SYT9: variants seen among roughly 807,000 people sequenced by gnomAD.
SYT9 encodes the protein synaptotagmin 9.
In SYT9, 22 loss-of-function variants were observed where a neutral mutation model predicts 48.4. The ratio of observed to expected loss-of-function variants is 0.45; its 90% confidence interval spans 0.32 to 0.65. SYT9 has a LOEUF of 0.65. SYT9 is among the 30% of genes least tolerant of loss of function. The pLI is 0.03. For synonymous variants in SYT9, 265 were observed against 245.0 expected (o/e 1.08, Z -0.76); for missense variants, 577 against 622.0 (o/e 0.93, Z 0.77).
chr11:7,466,936 C>A lies in SYT9; in HGVS notation c.*136C>A. 1 of 1,115,634 alleles carries A rather than the reference C, an allele frequency of 9.0e-7. No homozygotes were observed. The highest frequency in any genetic ancestry group is 1.3e-6 in the Non-Finnish European group (1 of 758,318). The allele number at this position is 1,115,634 out of a possible 1,614,324, so 69.1% of individuals were successfully genotyped here. On this transcript the variant is annotated 3_prime_UTR_variant, in exon 7 of 7. Transcript: ENST00000318881. ...TGCTCAGCTGTAACCACAGCACTAACTGGCCTTCTTTCCAGATTGGGTTTG... is the reference window on the plus strand; with the variant it reads ...TGCTCAGCTGTAACCACAGCACTAAATGGCCTTCTTTCCAGATTGGGTTTG...
At chr11:7,326,462 C>T (rs1849437088) in intron 3 of SYT9, among the ~76,000 whole-genome samples, 1 of 138,778 alleles carries the variant, frequency 7.2e-6, no homozygotes, top group African/African-American at 2.7e-5. Flanking sequence ...TGGTGATATC[C>T]CCTTTATCAT....
intron 6 of SYT9, among the ~76,000 whole-genome samples, chr11:7,460,864 C>T (rs1848223316): frequency 6.6e-6 from 1 of 152,160 alleles, no homozygotes; most frequent in Non-Finnish European, 1.5e-5. Context: ...CTTCTAATTA[C>T]TAGGAACACA....
intron 3 of SYT9, among the ~76,000 whole-genome samples, chr11:7,376,736 A>G (rs946220395): frequency 6.6e-6 from 1 of 152,038 alleles, no homozygotes; most frequent in African/African-American, 2.4e-5. Flanking sequence ...TTGAAATGGG[A>G]GGCTTGTTCT....
rs80037758 is a variant in SYT9 at position 7,372,816 on chromosome 11, C to T, written c.1045-43226C>T. On this transcript the variant is annotated intron_variant, in intron 3 of 6. Transcript: ENST00000318881. The stretch of plus-strand genomic sequence containing the variant: ...TCTTTTGCTGTAATTTTACCTTTTA[C>T]GTGTTTTATTATTTTATGGCATAAG... 3.7e-4 allele frequency among the ~76,000 whole-genome samples: 56 copies of T among 152,084 alleles called. 1 individual carries two copies. The East Asian group carries it at 8.1e-3, about 22-fold the overall frequency.
chr11:7,245,413 C>T, intron 1 of SYT9, among the ~76,000 whole-genome samples: 1 of 151,628 alleles, frequency 6.6e-6, no homozygotes. Flanking sequence ...TTTTTCTTTT[C>T]TTTTCTCTCT....
At chr11:7,454,394 G>A in intron 6 of SYT9, 10 of 775,218 alleles carry the variant, frequency 1.3e-5, no homozygotes, top group Non-Finnish European at 1.6e-5. Flanking sequence ...GCTTCTCCCA[G>A]CCACCATCTT....
At chr11:7,281,071 G>A (rs2133902232) in intron 1 of SYT9, among the ~76,000 whole-genome samples, 1 of 152,316 alleles carries the variant, frequency 6.6e-6, no homozygotes, top group East Asian at 1.9e-4. Context: ...ATTCACTACT[G>A]AATGGGCAGA....
rs1036216761 is a variant in SYT9, at chr11:7,251,972, G to C, written c.-215G>C. 5 of 459,756 alleles carry C rather than the reference G, an allele frequency of 1.1e-5. No individual in the cohort carries two copies. Among genetic ancestry groups the C allele is most frequent in the Admixed American group, 4.5e-5 (1 of 22,436 alleles). 28.5% of individuals were successfully genotyped at this position (459,756 alleles called of 1,614,324 possible). On this transcript the variant is annotated 5_prime_UTR_variant, in exon 1 of 7. Transcript: ENST00000318881. ...GGACGGAGGGACCGGGCGGGAGAGA[G>C]AGAAAGCCTGACCGACCGGCTGGCG... is the stretch of plus-strand genomic sequence containing the variant.
intron 1 of SYT9, among the ~76,000 whole-genome samples, chr11:7,293,501 G>A (rs1203063460): frequency 2.6e-5 from 4 of 152,190 alleles, no homozygotes; most frequent in Non-Finnish European, 5.9e-5. Context: ...AGAATGAAAA[G>A]CAGGAATGGC....
intron 1 of SYT9, among the ~76,000 whole-genome samples, chr11:7,241,758 T>C (rs556781348): frequency 6.6e-6 from 1 of 152,360 alleles, no homozygotes; most frequent in East Asian, 1.9e-4. Context: ...TTTCGATGTG[T>C]GGATTTGGTT....
At chr11:7,436,062 T>C (rs1233053514) in intron 6 of SYT9, 1 of 152,126 alleles carries the variant, frequency 6.6e-6, no homozygotes, top group East Asian at 1.9e-4. Flanking sequence ...AGGACTATTA[T>C]AGGAGAAACA....
chr11:7,329,538 A>C (rs1483841857), intron 3 of SYT9, among the ~76,000 whole-genome samples: 1 of 152,200 alleles, frequency 6.6e-6, no homozygotes, highest in Non-Finnish European at 1.5e-5. Flanking sequence ...AGTGGCAAGG[A>C]AAGAAGGCAG....
chr11:7,311,541 G>A (rs1161334127), intron 2 of SYT9, among the ~76,000 whole-genome samples: 13 of 152,278 alleles, frequency 8.5e-5, no homozygotes, highest in African/African-American at 2.9e-4. Flanking sequence ...AGAATTGTTG[G>A]TCCACCACAG....
chr11:7,443,129 G>A (rs140683674), intron 6 of SYT9, among the ~76,000 whole-genome samples: 24 of 152,244 alleles, frequency 1.6e-4, no homozygotes, highest in Admixed American at 7.2e-4. Context: ...CTGCAGACCC[G>A]ACTGCCTAAC....
At chr11:7,452,410 G>A (rs1391593650) in intron 6 of SYT9, among the ~76,000 whole-genome samples, 1 of 152,144 alleles carries the variant, frequency 6.6e-6, no homozygotes, top group East Asian at 1.9e-4. Flanking sequence ...GTGTAGGTAC[G>A]TAAGTTGGGG....
intron 3 of SYT9, among the ~76,000 whole-genome samples, chr11:7,366,023 A>C (rs1850234586): frequency 6.6e-6 from 1 of 152,110 alleles, no homozygotes; most frequent in Non-Finnish European, 1.5e-5. Flanking sequence ...TTGGTTACTT[A>C]CCCTTCAAGG....
intron 5 of SYT9, among the ~76,000 whole-genome samples, chr11:7,419,576 G>A (rs1490015227): frequency 2.0e-5 from 3 of 152,132 alleles, no homozygotes; most frequent in African/African-American, 4.8e-5. Context: ...GTCTCAAGGC[G>A]GGGACCTACC....
chr11:7,314,021 A>C, intron 3 of SYT9, 80 bp downstream of exon 3: 1 of 1,487,674 alleles, frequency 6.7e-7, no homozygotes, highest in Non-Finnish European at 9.1e-7. Context: ...CATTATCTTG[A>C]GGACAAAGTG....
chr11:7,269,091 T>C (rs1356282600), intron 1 of SYT9, among the ~76,000 whole-genome samples: 1 of 152,120 alleles, frequency 6.6e-6, no homozygotes, highest in Non-Finnish European at 1.5e-5. Flanking sequence ...AGTATTCCAT[T>C]AGATGGATGT....
Sources: allele counts gnomAD v4.1 joint callset (sites outside exome capture counted in the v4.1 genomes callset), GRCh38; gene constraint gnomAD v4.1.1; transcripts MANE v1.5; gene names NCBI Gene and HGNC (gene_info 2026-07-23, HGNC 2026-07-21).